The following PCDHGB1 variants were observed in gnomAD, a reference collection of about 807,000 sequenced individuals.
The protein encoded by PCDHGB1 is protocadherin gamma-B1.
PCDHGB1 carries 34 observed loss-of-function variants against 56.6 expected under a neutral mutation model. The ratio of observed to expected loss-of-function variants is 0.60; its 90% CI spans 0.46 to 0.80. The LOEUF (loss-of-function observed/expected upper bound fraction) is 0.80, where lower values mean the gene tolerates loss of function less well. Among genes scored for constraint, PCDHGB1 ranks in the 30% least tolerant of loss-of-function variants. The probability of loss-of-function intolerance (pLI) is 0.00; values close to 1 mark genes in which losing one functional copy is unlikely to be tolerated. For synonymous variants in PCDHGB1, 561 were observed against 505.9 expected (o/e 1.11, Z -1.46); for missense variants, 1,278 against 1,204.6 (o/e 1.06, Z -0.90).
intron 1 of PCDHGB1, chr5:141,421,898 A>T: frequency 6.2e-7 from 1 of 1,613,736 alleles, no homozygotes; most frequent in Non-Finnish European, 8.5e-7. Flanking sequence ...CCCATCCGAA[A>T]GGGCGCAGTT....
At position 141,431,178 on chromosome 5, in the gene PCDHGB1, T is replaced by A; in HGVS notation, c.2410-63629T>A. 2 of 1,614,078 alleles carry A rather than the reference T, an allele frequency of 1.2e-6. No individual in the cohort carries two copies. Among genetic ancestry groups the A allele is most frequent in the Non-Finnish European group, 1.7e-6 (2 of 1,180,000 alleles). On this transcript the variant is annotated intron_variant, in intron 1 of 3. Coordinates refer to ENST00000523390, the MANE Select transcript of PCDHGB1 (RefSeq NM_018922.3). This position sits in a 1 kb window ranked among gnomAD's most constrained non-coding sequence, Gnocchi z 4.8. ...TACTTTCGTGAAAGTGAATTAGAAATAAAAATTAGTGAAAATGCAGCCACT... is the reference window on the plus strand; with the variant it reads ...TACTTTCGTGAAAGTGAATTAGAAAAAAAAATTAGTGAAAATGCAGCCACT...
At chr5:141,366,323 G>A in intron 1 of PCDHGB1, 1 of 1,613,796 alleles carries the variant, frequency 6.2e-7, no homozygotes, top group Non-Finnish European at 8.5e-7. Flanking sequence ...CGTTGCCGTG[G>A]CCGACAGGAT....
chr5:141,365,800 C>A, intron 1 of PCDHGB1: 1 of 1,613,914 alleles, frequency 6.2e-7, no homozygotes, highest in Middle Eastern at 1.6e-4. Flanking sequence ...TCACCTACTC[C>A]CTGGCTGAAG....
At chr5:141,424,068 G>T in intron 1 of PCDHGB1, 1 of 993,858 alleles carries the variant, frequency 1.0e-6, no homozygotes. Flanking sequence ...TCACTGATTT[G>T]TAGTTATATT....
chr5:141,444,915 T>C (rs1262912255), intron 1 of PCDHGB1, among the ~76,000 whole-genome samples: 1 of 152,174 alleles, frequency 6.6e-6, no homozygotes, highest in East Asian at 1.9e-4. Flanking sequence ...TCTATACCTT[T>C]ATCAGGGAAA....
At chr5:141,435,058 A>G (rs1161891073) in intron 1 of PCDHGB1, among the ~76,000 whole-genome samples, 3 of 152,234 alleles carry the variant, frequency 2.0e-5, no homozygotes, top group East Asian at 3.9e-4. Flanking sequence ...ACCATGCAGC[A>G]GTTTTGTGTA....
rs764692908 is a variant in PCDHGB1 at position 141,431,246 on chromosome 5, G to C, written c.2410-63561G>C. On this transcript the variant is annotated intron_variant, in intron 1 of 3. Coordinates refer to ENST00000523390, the MANE Select transcript of PCDHGB1 (RefSeq NM_018922.3). The surrounding 1 kb of genome is among the most constrained non-coding windows in gnomAD (Gnocchi z 4.8). ...ACCCCACGCCTGGGATCCGGATATC[G>C]GGAAGAACTCTCTGCAGAGCTACGA... 9 of 1,613,982 alleles carry C rather than the reference G, an allele frequency of 5.6e-6. No individual in the cohort carries two copies. Among genetic ancestry groups the C allele is most frequent in the Non-Finnish European group, 7.6e-6 (9 of 1,180,050 alleles).
intron 1 of PCDHGB1, among the ~76,000 whole-genome samples, chr5:141,407,479 T>C (rs1042229151): frequency 1.4e-5 from 2 of 144,060 alleles, no homozygotes; most frequent in East Asian, 1.9e-4. Context: ...GAATGGAGTA[T>C]GGAAAATCTT....
Position 141,487,171 on chromosome 5 carries a change from G to C in PCDHGB1, c.2410-7636G>C. ...CTGTTACTCTCTTAGTGTCCTTAGA[G>C]GAAGACACTCATCCAGTTGTCCCAG... On this transcript the variant is annotated intron_variant, in intron 1 of 3. Transcript: ENST00000523390. The surrounding 1 kb of genome is among the most constrained non-coding windows in gnomAD (Gnocchi z 5.0). 1 of 1,612,938 alleles carries C rather than the reference G, an allele frequency of 6.2e-7. No individual in the cohort carries two copies. Among genetic ancestry groups the C allele is most frequent in the Non-Finnish European group, 8.5e-7 (1 of 1,178,910 alleles).
intron 2 of PCDHGB1, among the ~76,000 whole-genome samples, chr5:141,502,337 T>C (rs1562205634): frequency 6.6e-6 from 1 of 152,184 alleles, no homozygotes; most frequent in Admixed American, 6.5e-5. Flanking sequence ...CCCAGTCTTT[T>C]TATTTTTTTA....
intron 1 of PCDHGB1, chr5:141,385,740 T>A: frequency 4.9e-6 from 1 of 202,756 alleles, no homozygotes; most frequent in Non-Finnish European, 8.9e-6. Context: ...ATTTCTTCCA[T>A]GTGAAGATTT....
intron 1 of PCDHGB1, among the ~76,000 whole-genome samples, chr5:141,443,695 A>G (rs1324985529): frequency 1.3e-5 from 2 of 152,272 alleles, no homozygotes; most frequent in Non-Finnish European, 2.9e-5. Context: ...TTCAAAAATT[A>G]TAGAATAACA....
chr5:141,437,223 C>G (rs555637738), intron 1 of PCDHGB1, among the ~76,000 whole-genome samples: 1 of 152,198 alleles, frequency 6.6e-6, no homozygotes, highest in Admixed American at 6.5e-5. Context: ...TGATTCCAGT[C>G]ATAAAATTAT....
intron 1 of PCDHGB1, chr5:141,478,700 C>A: frequency 1.3e-6 from 2 of 1,549,172 alleles, no homozygotes; most frequent in Non-Finnish European, 1.7e-6. Flanking sequence ...AAAGTTAGTG[C>A]CTTTGTGAGA....
intron 1 of PCDHGB1, among the ~76,000 whole-genome samples, chr5:141,386,520 G>T (rs976508801): frequency 0.014 from 2 of 142 alleles, no homozygotes; most frequent in Non-Finnish European, 0.032. Flanking sequence ...TTCAAAAAAA[G>T]ACTCTTTTTA....
At chr5:141,459,245 C>G (rs1040972875) in intron 1 of PCDHGB1, among the ~76,000 whole-genome samples, 1 of 152,180 alleles carries the variant, frequency 6.6e-6, no homozygotes, top group African/African-American at 2.4e-5. Context: ...TGCTTCCTGT[C>G]ACTATAAATT....
chr5:141,470,379 A>G (rs1210709847), intron 1 of PCDHGB1, among the ~76,000 whole-genome samples: 1 of 152,086 alleles, frequency 6.6e-6, no homozygotes, highest in East Asian at 1.9e-4. Flanking sequence ...TGGAAAGACT[A>G]CTCGATGATA....
intron 1 of PCDHGB1, 29 bp downstream of exon 1, chr5:141,352,698 T>C: frequency 1.9e-6 from 3 of 1,551,870 alleles, no homozygotes; most frequent in Non-Finnish European, 2.6e-6. Context: ...AGTTAAATTT[T>C]ATATATGGCG....
chr5:141,434,650 C>A (rs931043426), intron 1 of PCDHGB1, among the ~76,000 whole-genome samples: 6 of 152,092 alleles, frequency 3.9e-5, no homozygotes, highest in Non-Finnish European at 5.9e-5. Context: ...TTTAGTTAAT[C>A]TAATATCTAT....
Sources: gnomAD v4.1 joint callset for allele counts (sites outside exome capture counted in the v4.1 genomes callset) on GRCh38, gnomAD v4.1.1 for gene constraint, Gnocchi (gnomAD v3.1) non-coding constraint, MANE v1.5 for transcripts, NCBI Gene and HGNC (gene_info 2026-07-23, HGNC 2026-07-21) for gene names.